Variants in ZSWIM5 observed in about 807,000 individuals in gnomAD.
ZSWIM5 encodes zinc finger SWIM domain-containing protein 5.
In ZSWIM5, 55 loss-of-function variants were observed where a neutral mutation model predicts 119.6. The ratio of observed to expected loss-of-function variants is 0.46; its 90% CI spans 0.37 to 0.58. The LOEUF (loss-of-function observed/expected upper bound fraction) is 0.58, where lower values mean the gene tolerates loss of function less well. ZSWIM5 is among the 20% of genes least tolerant of loss of function. The pLI, the probability that ZSWIM5 is intolerant of heterozygous loss-of-function variation, is 0.00. For missense variants in ZSWIM5, 1,193 were observed against 1,512.8 expected, an observed-to-expected ratio of 0.79 and a Z score of 3.51; for synonymous variants, 537 against 606.9, an observed-to-expected ratio of 0.88 and a Z score of 1.69.
intron 1 of ZSWIM5, among the ~76,000 whole-genome samples, chr1:45,193,518 A>G (rs1646104129): frequency 6.6e-6 from 1 of 152,200 alleles, no homozygotes; most frequent in Admixed American, 6.5e-5. Flanking sequence ...TGTATAGTAG[A>G]CTACAGAAAA....
In ZSWIM5 at chr1:45,107,448, C is replaced by A. The variant is rs180716156; in HGVS notation, c.596-19211G>T. On this transcript the variant is annotated intron_variant, in intron 1 of 13. Coordinates refer to ENST00000359600, the MANE Select transcript of ZSWIM5 (RefSeq NM_020883.2). ...GGTCAGGTGATTGAGACCATCCTGG[C>A]TAACACAGTGAAATCCTGTCTCTAC... Among the ~76,000 whole-genome samples, 266 of 151,886 alleles carry A rather than the reference C, an allele frequency of 1.8e-3. 4 individuals carry two copies. The highest frequency in any genetic ancestry group is 6.8e-3 in the Middle Eastern group (2 of 294).
chr1:45,021,861 A>G (rs1056909861), intron 11 of ZSWIM5, among the ~76,000 whole-genome samples: 62 of 152,044 alleles, frequency 4.1e-4, no homozygotes, highest in Non-Finnish European at 5.6e-4. Context: ...CTCTACTAAA[A>G]AAATACAAAA....
At chr1:45,093,178 C>G (rs1219695204) in intron 1 of ZSWIM5, among the ~76,000 whole-genome samples, 1 of 152,182 alleles carries the variant, frequency 6.6e-6, no homozygotes, top group Non-Finnish European at 1.5e-5. Flanking sequence ...TAATATTGTA[C>G]TGTAGGCAAT....
intron 1 of ZSWIM5, among the ~76,000 whole-genome samples, chr1:45,122,334 A>G (rs576563320): frequency 1.3e-5 from 2 of 152,334 alleles, no homozygotes; most frequent in African/African-American, 4.8e-5. Context: ...AAATAAACAA[A>G]TGTATGCAAA....
intron 1 of ZSWIM5, among the ~76,000 whole-genome samples, chr1:45,188,442 A>G (rs1317096459): frequency 2.0e-5 from 3 of 152,182 alleles, no homozygotes; most frequent in African/African-American, 4.8e-5. Flanking sequence ...ACTATATGGG[A>G]TTGGATTGGG....
chr1:45,126,055 G>A (rs1237051498), intron 1 of ZSWIM5, among the ~76,000 whole-genome samples: 3 of 151,712 alleles, frequency 2.0e-5, no homozygotes, highest in African/African-American at 4.8e-5. Flanking sequence ...GTGACAGAGC[G>A]AGACCTTGTC....
chr1:45,087,800 A>T (rs745812585), intron 2 of ZSWIM5, 81 bp downstream of exon 2: 2 of 1,001,822 alleles, frequency 2.0e-6, no homozygotes, highest in Non-Finnish European at 3.0e-6. Context: ...ATAAAGCAAC[A>T]AAGTAGAGGT....
In ZSWIM5 at chr1:45,088,428, A is replaced by G. The variant is rs56726013; in HGVS notation, c.596-191T>C. 5.0e-3 allele frequency among the ~76,000 whole-genome samples: 762 copies of G among 152,312 alleles called. 8 individuals are homozygous for G. Among genetic ancestry groups the G allele is most frequent in the African/African-American group, 0.018 (737 of 41,548 alleles). On this transcript the variant is annotated intron_variant, in intron 1 of 13. Coordinates refer to ENST00000359600, the MANE Select transcript of ZSWIM5 (RefSeq NM_020883.2). This position sits in a 1 kb window ranked among gnomAD's most constrained non-coding sequence, Gnocchi z 4.2. The stretch of plus-strand genomic sequence containing the variant: ...TGCTCTGAAGAAACACACAATATAG[A>G]AAGAGTCCTCACCCTGGAGTTCGTG...
chr1:45,024,943 C>T (rs976285139), intron 11 of ZSWIM5, among the ~76,000 whole-genome samples: 1 of 152,204 alleles, frequency 6.6e-6, no homozygotes, highest in Non-Finnish European at 1.5e-5. Context: ...GTGTGAGCCA[C>T]TGCGCCCGGC....
chr1:45,020,797 G>A lies in ZSWIM5; in HGVS notation c.2450-9C>T. On this transcript the variant is annotated splice_polypyrimidine_tract_variant and intron_variant, in intron 11 of 13. Transcript: ENST00000359600. ...GAGTCTCAAAGTGTCTCCTATAGGT[G>A]TCAAGAGAAGGGGCAGGGTCTATTT... The A allele has an allele frequency of 1.2e-6, 2 of 1,612,716 alleles. No homozygotes were observed. Among genetic ancestry groups the A allele is most frequent in the South Asian group, 1.1e-5 (1 of 90,976 alleles).
chr1:45,070,245 ACAG>A, intron 2 of ZSWIM5: 1 of 1,469,282 alleles, frequency 6.8e-7, no homozygotes, highest in Non-Finnish European at 9.5e-7. Context: ...TTCATCAGTC[ACAG>A]AACCAACACT....
chr1:45,151,317 T>G (rs1042820366), intron 1 of ZSWIM5, among the ~76,000 whole-genome samples: 1 of 152,026 alleles, frequency 6.6e-6, no homozygotes, highest in African/African-American at 2.4e-5. Context: ...AAAGTCTGTT[T>G]TATTCACTGT....
rs1302862713 is a variant in ZSWIM5 at position 45,205,889 on chromosome 1, C to T, written c.462G>A (p.Gly154=). 1.8e-6 allele frequency: 2 copies of T among 1,092,780 alleles called. No homozygotes were observed. Among genetic ancestry groups the T allele is most frequent in the Non-Finnish European group, 1.1e-6 (1 of 904,038 alleles). The allele number at this position is 1,092,780 out of a possible 1,614,324, so 67.7% of individuals were successfully genotyped here. A position where few individuals can be genotyped will look rare whatever the true frequency, so the allele number is the denominator to read the frequency against. The change falls in exon 1 of 14, where the codon GGG becomes GGA. Residue 154 remains glycine, a synonymous_variant. Transcript: ENST00000359600. ...GAAAPAGSAP[G]GVAAGASPGL... ...CGGGGGATGCCCCAGCCGCGACGCC[C>T]CCGGGGGCGGAGCCGGCCGGAGCGG...
Position 45,018,757 on chromosome 1 carries a change from T to C in ZSWIM5, c.3255A>G (p.Ala1085=), listed in dbSNP as rs1402898064. The C allele has an allele frequency of 6.2e-7, 1 of 1,614,108 alleles. No homozygotes were observed. The highest frequency in any genetic ancestry group is 1.3e-5 in the African/African-American group (1 of 74,934). ...SDILRRCTVT[A]PGLAGIPGRR... ...GGCCTGGGATGCCGGCCAGGCCAGG[T>C]GCAGTCACTGTGCAGCGTCGTAAGA... Residue 1085 remains alanine (A), a synonymous_variant, in exon 14 of 14, where the codon GCA becomes GCG. Coordinates refer to ENST00000359600, the MANE Select transcript of ZSWIM5 (RefSeq NM_020883.2). This position sits in a 1 kb window ranked among gnomAD's most constrained non-coding sequence, Gnocchi z 6.7.
At chr1:45,204,277 G>A (rs1280166589) in intron 1 of ZSWIM5, among the ~76,000 whole-genome samples, 1 of 151,836 alleles carries the variant, frequency 6.6e-6, no homozygotes, top group African/African-American at 2.4e-5. Flanking sequence ...ATAAATGATC[G>A]AAACTCAGAA....
At chr1:45,103,781 A>C (rs1021542872) in intron 1 of ZSWIM5, among the ~76,000 whole-genome samples, 1 of 152,290 alleles carries the variant, frequency 6.6e-6, no homozygotes. Context: ...TAGAGTTCTA[A>C]AGGAAAGCAC....
chr1:45,156,874 A>G (rs1645829924), intron 1 of ZSWIM5, among the ~76,000 whole-genome samples: 1 of 152,060 alleles, frequency 6.6e-6, no homozygotes, highest in African/African-American at 2.4e-5. Context: ...ATCTTTAAGA[A>G]TCTACACAAA....
chr1:45,138,256 C>A (rs141864000), intron 1 of ZSWIM5, among the ~76,000 whole-genome samples: 2 of 151,976 alleles, frequency 1.3e-5, no homozygotes, highest in African/African-American at 4.8e-5. Context: ...GTAATCCCAG[C>A]ACTTTGGGAG....
At chr1:45,055,084 G>A (rs562309616) in intron 4 of ZSWIM5, among the ~76,000 whole-genome samples, 1 of 152,086 alleles carries the variant, frequency 6.6e-6, no homozygotes, top group East Asian at 1.9e-4. Context: ...CTCGCCTCCC[G>A]GGTTCATGCC....
Sources: allele counts gnomAD v4.1 joint callset (sites outside exome capture counted in the v4.1 genomes callset), GRCh38; gene constraint gnomAD v4.1.1; non-coding constraint Gnocchi (gnomAD v3.1); transcripts MANE v1.5; gene names NCBI Gene and HGNC (gene_info 2026-07-23, HGNC 2026-07-21).